LCMT1: variants seen among roughly 807,000 people sequenced by gnomAD.
The protein encoded by LCMT1 is [Phosphatase 2A protein]-leucine-carboxy methyltransferase 1.
Under a neutral mutation model 47.7 loss-of-function variants are expected in LCMT1, and 32 were observed. The ratio of observed to expected loss-of-function variants is 0.67; its 90% confidence interval spans 0.51 to 0.90. LCMT1 has a LOEUF of 0.90. LCMT1 is among the 40% of genes least tolerant of loss of function. The pLI is 0.00. For missense variants in LCMT1, 375 were observed against 415.2 expected, an observed-to-expected ratio of 0.90 and a Z score of 0.84; for synonymous variants, 152 against 149.7, an observed-to-expected ratio of 1.02 and a Z score of -0.11.
chr16:25,139,273 C>T (rs948903935), intron 3 of LCMT1, among the ~76,000 whole-genome samples: 8 of 152,196 alleles, frequency 5.3e-5, no homozygotes, highest in South Asian at 2.1e-4. Flanking sequence ...CAAGACCTTA[C>T]AGCATGTAAG....
chr16:25,161,042 C>A, intron 5 of LCMT1, 60 bp from the exon 6 acceptor site: 1 of 973,382 alleles, frequency 1.0e-6, no homozygotes. Flanking sequence ...AACCATAAGG[C>A]TACTATAACT....
chr16:25,160,496 T>C (rs1431958212), intron 5 of LCMT1, among the ~76,000 whole-genome samples: 1 of 152,236 alleles, frequency 6.6e-6, no homozygotes, highest in African/African-American at 2.4e-5. Context: ...GGCGTAACAT[T>C]TAGAGAGCAG....
chr16:25,118,315 G>C (rs917343987), intron 1 of LCMT1, among the ~76,000 whole-genome samples: 2 of 151,754 alleles, frequency 1.3e-5, no homozygotes, highest in East Asian at 3.9e-4. Context: ...TTCCATCCTC[G>C]GGGCCCTGGA....
intron 9 of LCMT1, among the ~76,000 whole-genome samples, chr16:25,172,159 T>G (rs570336659): frequency 1.3e-5 from 2 of 152,072 alleles, no homozygotes; most frequent in South Asian, 4.2e-4. Flanking sequence ...TACAAAAAAT[T>G]AGCTGGGCAT....
At chr16:25,123,177 G>T (rs561316612) in intron 1 of LCMT1, among the ~76,000 whole-genome samples, 3 of 146,384 alleles carry the variant, frequency 2.0e-5, no homozygotes, top group Non-Finnish European at 4.5e-5. Context: ...TTAATGGTCT[G>T]TATTTCCCCA....
chr16:25,170,773 G>A lies in LCMT1; in HGVS notation c.852G>A (p.Leu284=), dbSNP rs368962767. 1.9e-6 allele frequency: 3 copies of A among 1,613,156 alleles called. No homozygotes were observed. Among genetic ancestry groups the A allele is most frequent in the Non-Finnish European group, 2.5e-6 (3 of 1,179,304 alleles). Residue 284 remains leucine (L), a synonymous_variant, in exon 9 of 11, where the codon TTG becomes TTA. Transcript: ENST00000399069. The stretch of plus-strand genomic sequence containing the variant: ...CATCGGCCGTCGACATGATGGAGTT[G>A]TACAACAGGTTACCTCGAGCTGAAG... ...ETASAVDMME[L]YNRLPRAEVS...
At chr16:25,135,936 A>C (rs1001880677) in intron 3 of LCMT1, among the ~76,000 whole-genome samples, 11 of 151,832 alleles carry the variant, frequency 7.2e-5, no homozygotes, top group African/African-American at 2.7e-4. Context: ...ACAAAAAATA[A>C]AAAAATCAGC....
intron 6 of LCMT1, among the ~76,000 whole-genome samples, chr16:25,162,932 G>A (rs184732591): frequency 5.3e-5 from 8 of 152,226 alleles, no homozygotes; most frequent in African/African-American, 1.9e-4. Flanking sequence ...GTGCAGTGGC[G>A]TGATCTGTGC....
chr16:25,126,481 A>G (rs1004434965), intron 1 of LCMT1, among the ~76,000 whole-genome samples: 1 of 152,158 alleles, frequency 6.6e-6, no homozygotes, highest in African/African-American at 2.4e-5. Context: ...TCCCCTTCTG[A>G]GAGAGGCCTC....
chr16:25,116,787 G>A (rs1168492556), intron 1 of LCMT1, among the ~76,000 whole-genome samples: 1 of 151,846 alleles, frequency 6.6e-6, no homozygotes, highest in Non-Finnish European at 1.5e-5. Flanking sequence ...CATCTACTTT[G>A]GGGCTGGTGT....
intron 7 of LCMT1, among the ~76,000 whole-genome samples, chr16:25,168,632 C>T (rs1251583518): frequency 6.6e-6 from 1 of 152,134 alleles, no homozygotes; most frequent in Non-Finnish European, 1.5e-5. Context: ...TCCTTGAAGA[C>T]AGATGGGCTC....
chr16:25,129,979 C>CTCAGATGAG (rs1960301566), intron 2 of LCMT1, among the ~76,000 whole-genome samples: 1 of 152,080 alleles, frequency 6.6e-6, no homozygotes, highest in African/African-American at 2.4e-5. Flanking sequence ...CCTGGTAATT[C>CTCAGATGAG]TCAGATGAGG....
Position 25,169,209 on chromosome 16 carries a change from C to T in LCMT1, c.788C>T (p.Ser263Leu). The T allele has an allele frequency of 6.2e-7, 1 of 1,601,572 alleles. No individual in the cohort carries two copies. The highest frequency in any genetic ancestry group is 8.6e-7 in the Non-Finnish European group (1 of 1,168,968). ...AGVETCKSLESQKERLLSNGW... is the reference protein window; with the variant it reads ...AGVETCKSLELQKERLLSNGW... Reference sequence around the variant, plus strand: ...GTGGAGACCTGCAAGTCATTAGAGTCACAGGTCAGAGAGCAGGGACTGGGA... The same window carrying T: ...GTGGAGACCTGCAAGTCATTAGAGTTACAGGTCAGAGAGCAGGGACTGGGA... The change falls in exon 8 of 11, where the codon TCA becomes TTA. Residue 263 changes from serine (S) to leucine (L), a missense_variant. Coordinates refer to ENST00000399069, the MANE Select transcript of LCMT1 (RefSeq NM_016309.3).
In LCMT1 at chr16:25,128,871, C is replaced by T. The variant is rs947630076; in HGVS notation, c.205+305C>T. Among the ~76,000 whole-genome samples, 5 of 138,492 alleles carry T rather than the reference C, an allele frequency of 3.6e-5. No homozygotes were observed. In the Admixed American group the frequency reaches 3.8e-4, roughly 10 times the overall value. The allele number at this position is 138,492 out of a possible 152,430, so 90.9% of individuals were successfully genotyped here. On this transcript the variant is annotated intron_variant, in intron 2 of 10. Coordinates refer to ENST00000399069, the MANE Select transcript of LCMT1 (RefSeq NM_016309.3). ...GGAGTTGAACAGTGAGAACACATGA[C>T]ACAGAGAGGGGAACATCACACACTG...
chr16:25,131,716 C>A (rs981692432), intron 2 of LCMT1, among the ~76,000 whole-genome samples: 9 of 152,186 alleles, frequency 5.9e-5, no homozygotes, highest in African/African-American at 2.2e-4. Flanking sequence ...CAACCCTCCA[C>A]CCGAAAACTT....
At chr16:25,135,920 A>C (rs1960489988) in intron 3 of LCMT1, among the ~76,000 whole-genome samples, 1 of 151,772 alleles carries the variant, frequency 6.6e-6, no homozygotes, top group African/African-American at 2.4e-5. Flanking sequence ...ACAAAACCCC[A>C]TCTCTACAAA....
intron 1 of LCMT1, among the ~76,000 whole-genome samples, chr16:25,119,165 T>A (rs1959891087): frequency 6.6e-6 from 1 of 152,152 alleles, no homozygotes; most frequent in South Asian, 2.1e-4. Flanking sequence ...GATAGAATGT[T>A]CTGGCAGAGT....
chr16:25,151,693 T>TGTGTGTG lies in LCMT1; in HGVS notation c.466+78_466+79insGTGTGTG, dbSNP rs763524422. 8.0e-3 allele frequency: 4,605 copies of TGTGTGTG among 573,680 alleles called. 25 individuals are homozygous for TGTGTGTG. Among genetic ancestry groups the TGTGTGTG allele is most frequent in the Non-Finnish European group, 0.01 (3,639 of 357,718 alleles). The allele number at this position is 573,680 out of a possible 1,614,324, so 35.5% of individuals were successfully genotyped here. ...CCCCTTTTTGAAGATGGGGTTTGTG[T>TGTGTGTG]TGGGTGTGTGTGTGTGTGTGTGTGT... On this transcript the variant is annotated intron_variant, in intron 5 of 10. Transcript: ENST00000399069.
At chr16:25,113,856 G>A (rs777510103) in intron 1 of LCMT1, among the ~76,000 whole-genome samples, 8 of 152,148 alleles carry the variant, frequency 5.3e-5, no homozygotes, top group Non-Finnish European at 1.0e-4. Flanking sequence ...GGCTAGTTTC[G>A]AACTCCTGAA....
Sources: gnomAD v4.1 joint callset for allele counts (sites outside exome capture counted in the v4.1 genomes callset) on GRCh38, gnomAD v4.1.1 for gene constraint, MANE v1.5 for transcripts, NCBI Gene and HGNC (gene_info 2026-07-23, HGNC 2026-07-21) for gene names.